PACRG: variants seen among roughly 807,000 people sequenced by gnomAD.
PACRG encodes the protein parkin coregulated gene protein.
A neutral mutation model predicts 29.7 loss-of-function variants in PACRG; 29 were observed. That is an observed-to-expected ratio of 0.98 (90% confidence interval 0.73 to 1.33). PACRG has a LOEUF of 1.33. Ranked by LOEUF, PACRG falls within the 40% of genes most tolerant of loss-of-function variation. The probability of loss-of-function intolerance (pLI) is 0.00; values close to 1 mark genes in which losing one functional copy is unlikely to be tolerated. For synonymous variants in PACRG, 116 were observed against 118.7 expected, an observed-to-expected ratio of 0.98 and a Z score of 0.15; for missense variants, 279 against 316.2, an observed-to-expected ratio of 0.88 and a Z score of 0.89.
chr6:163,061,468 A>G (rs879620845), intron 2 of PACRG, among the ~76,000 whole-genome samples: 4 of 152,134 alleles, frequency 2.6e-5, no homozygotes, highest in Admixed American at 6.5e-5. Flanking sequence ...TGATGGGTGG[A>G]GATGTGGGAA....
At chr6:162,942,049 G>A (rs560552049) in intron 2 of PACRG, among the ~76,000 whole-genome samples, 3 of 152,272 alleles carry the variant, frequency 2.0e-5, no homozygotes, top group Non-Finnish European at 4.4e-5. Flanking sequence ...TTACCTCAGA[G>A]TAGAATCTAA....
intron 2 of PACRG, among the ~76,000 whole-genome samples, chr6:162,865,843 C>CA (rs1470996646): frequency 1.3e-5 from 2 of 151,650 alleles, no homozygotes; most frequent in East Asian, 3.9e-4. Flanking sequence ...GGAAAACAAA[C>CA]AAAATAGCAA....
intron 2 of PACRG, among the ~76,000 whole-genome samples, chr6:162,951,993 G>A (rs9458678): frequency 0.026 from 4,004 of 152,162 alleles, 199 homozygotes; most frequent in African/African-American, 0.091. Context: ...GGAGAGAAAT[G>A]CTCTGTGCAT....
chr6:163,098,644 C>T (rs905139413), intron 4 of PACRG, among the ~76,000 whole-genome samples: 1 of 152,148 alleles, frequency 6.6e-6, no homozygotes, highest in Admixed American at 6.5e-5. Flanking sequence ...AGAGAGCATT[C>T]TTGGATCTCA....
chr6:162,890,795 G>A (rs185881000), intron 2 of PACRG, among the ~76,000 whole-genome samples: 66 of 152,198 alleles, frequency 4.3e-4, no homozygotes, highest in East Asian at 9.7e-4. Context: ...GTTGAAAGCC[G>A]TCCAGCAGGC....
At chr6:162,983,080 G>A (rs184812062) in intron 2 of PACRG, among the ~76,000 whole-genome samples, 16 of 151,948 alleles carry the variant, frequency 1.1e-4, no homozygotes, top group African/African-American at 3.9e-4. Flanking sequence ...TTTTTTAACT[G>A]TTGTTGCCTT....
intron 4 of PACRG, among the ~76,000 whole-genome samples, chr6:163,120,826 G>A (rs141638301): frequency 1.2e-4 from 18 of 152,256 alleles, no homozygotes; most frequent in South Asian, 1.0e-3. Flanking sequence ...CTTGTCAGCC[G>A]GGGGAATAAG....
intron 1 of PACRG, among the ~76,000 whole-genome samples, chr6:162,790,773 C>T (rs539993088): frequency 4.9e-4 from 74 of 152,216 alleles, no homozygotes; most frequent in African/African-American, 1.6e-3. Context: ...TAAGACTGGT[C>T]TTATCTAGAT....
At chr6:163,099,627 A>G (rs1422533927) in intron 4 of PACRG, among the ~76,000 whole-genome samples, 2 of 152,214 alleles carry the variant, frequency 1.3e-5, no homozygotes, top group Non-Finnish European at 2.9e-5. Flanking sequence ...CAAATCTTCC[A>G]TGAGCACCAA....
chr6:163,101,625 A>G (rs1259389965), intron 4 of PACRG, among the ~76,000 whole-genome samples: 3 of 152,188 alleles, frequency 2.0e-5, no homozygotes, highest in Non-Finnish European at 2.9e-5. Flanking sequence ...TGTTAGGACC[A>G]TAGACAACCA....
chr6:162,936,981 G>A (rs1798279567), intron 2 of PACRG, among the ~76,000 whole-genome samples: 1 of 152,096 alleles, frequency 6.6e-6, no homozygotes, highest in East Asian at 1.9e-4. Context: ...TTTGAAAAAG[G>A]ATACTTTTCT....
intron 4 of PACRG, among the ~76,000 whole-genome samples, chr6:163,243,098 A>G (rs778142127): frequency 5.9e-5 from 9 of 152,214 alleles, no homozygotes; most frequent in Non-Finnish European, 1.0e-4. Flanking sequence ...CCCGCATTGG[A>G]CTTTTCTGCC....
chr6:162,887,794 G>C (rs920175349), intron 2 of PACRG, among the ~76,000 whole-genome samples: 1 of 149,814 alleles, frequency 6.7e-6, no homozygotes. Flanking sequence ...AGTCCCAAAG[G>C]CTGGGCAAGA....
At chr6:163,113,309 G>C (rs1815811758) in intron 4 of PACRG, among the ~76,000 whole-genome samples, 1 of 152,192 alleles carries the variant, frequency 6.6e-6, no homozygotes, top group Non-Finnish European at 1.5e-5. Flanking sequence ...AGGGAGAAGA[G>C]AGAGAGAAAG....
chr6:163,299,112 A>G (rs145318975), intron 4 of PACRG, among the ~76,000 whole-genome samples: 5 of 152,286 alleles, frequency 3.3e-5, no homozygotes, highest in Non-Finnish European at 5.9e-5. Flanking sequence ...CCAATAATCT[A>G]TCCTCAGCTG....
chr6:163,274,856 TCTTTC>T lies in PACRG; in HGVS notation c.614-39970_614-39966del, dbSNP rs1487963271. Among the ~76,000 whole-genome samples, 3 of 96,392 alleles carry T rather than the reference TCTTTC, an allele frequency of 3.1e-5. No individual in the cohort carries two copies. The East Asian group carries it at 8.1e-4, about 26-fold the overall frequency. The allele number at this position is 96,392 out of a possible 152,430, so 63.2% of individuals were successfully genotyped here. ...TGTACTTCTTTTTCTTTTCTTTCTT[TCTTTC>T]TTTTTTTTTTTTTTTTGAGATAGAG... On this transcript the variant is annotated intron_variant, in intron 4 of 4. Transcript: ENST00000366888.
At chr6:162,897,774 G>A (rs1441325765) in intron 2 of PACRG, among the ~76,000 whole-genome samples, 1 of 152,202 alleles carries the variant, frequency 6.6e-6, no homozygotes, top group African/African-American at 2.4e-5. Flanking sequence ...GGGGTGTATA[G>A]TTTGTTGGCA....
At chr6:163,010,832 A>T (rs1340688958) in intron 2 of PACRG, among the ~76,000 whole-genome samples, 2 of 152,144 alleles carry the variant, frequency 1.3e-5, no homozygotes, top group East Asian at 3.9e-4. Context: ...CAACTGGAGG[A>T]GACAAAAGTA....
chr6:163,254,401 T>C (rs79944035), intron 4 of PACRG, among the ~76,000 whole-genome samples: 90 of 152,290 alleles, frequency 5.9e-4, no homozygotes, highest in Non-Finnish European at 1.1e-3. Flanking sequence ...GAGGCCCCAT[T>C]GAAGTAGGAC....
Sources: allele counts gnomAD v4.1 joint callset (sites outside exome capture counted in the v4.1 genomes callset), GRCh38; gene constraint gnomAD v4.1.1; transcripts MANE v1.5; gene names NCBI Gene and HGNC (gene_info 2026-07-23, HGNC 2026-07-21).